Variants in ST6GAL1 observed in about 807,000 individuals in gnomAD.
ST6GAL1 encodes the protein ST6 beta-galactoside alpha-2,6-sialyltransferase 1.
In ST6GAL1, 20 loss-of-function variants were observed where a neutral mutation model predicts 38.0. That is an observed-to-expected ratio of 0.53 (90% CI 0.37 to 0.77). The LOEUF (loss-of-function observed/expected upper bound fraction) is 0.77, where lower values mean the gene tolerates loss of function less well. ST6GAL1 is among the 30% of genes least tolerant of loss of function. The pLI, the probability that ST6GAL1 is intolerant of heterozygous loss-of-function variation, is 0.00. For missense variants in ST6GAL1, 432 were observed against 496.4 expected, an observed-to-expected ratio of 0.87 and a Z score of 1.23; for synonymous variants, 196 against 188.2, an observed-to-expected ratio of 1.04 and a Z score of -0.34.
intron 5 of ST6GAL1, among the ~76,000 whole-genome samples, chr3:187,055,657 T>C (rs1451629209): frequency 6.6e-6 from 1 of 152,232 alleles, no homozygotes; most frequent in Admixed American, 6.5e-5. Context: ...TTGATTGCGC[T>C]GTGGTCTGAG....
intron 2 of ST6GAL1, among the ~76,000 whole-genome samples, chr3:186,984,334 A>C (rs1277458750): frequency 6.6e-6 from 1 of 152,156 alleles, no homozygotes; most frequent in Non-Finnish European, 1.5e-5. Context: ...CAATTCTGGC[A>C]TATTAAGTCA....
At chr3:187,020,601 C>G (rs1172449027) in intron 2 of ST6GAL1, among the ~76,000 whole-genome samples, 1 of 152,204 alleles carries the variant, frequency 6.6e-6, no homozygotes, top group East Asian at 1.9e-4. Context: ...ATCTGGCTGC[C>G]CCTGTGTAGG....
chr3:186,974,728 G>GC (rs915194174), intron 2 of ST6GAL1, among the ~76,000 whole-genome samples: 1 of 126,194 alleles, frequency 7.9e-6, no homozygotes, highest in Admixed American at 8.5e-5. Context: ...AGCCTGGTTG[G>GC]GGGGGGGGCG....
chr3:186,930,925 G>C (rs1172696167), intron 1 of ST6GAL1, 91 bp downstream of exon 1: 1 of 153,224 alleles, frequency 6.5e-6, no homozygotes, highest in Non-Finnish European at 1.5e-5. Context: ...GCGGAGGCGC[G>C]GGGCCCGCGG....
chr3:186,994,811 G>T (rs1238445418), intron 2 of ST6GAL1, among the ~76,000 whole-genome samples: 2 of 151,928 alleles, frequency 1.3e-5, no homozygotes, highest in Admixed American at 6.6e-5. Flanking sequence ...AGGCATGGTG[G>T]GCGCCTGTAA....
Position 186,934,928 on chromosome 3 carries a change from G to A in ST6GAL1, c.-325+4094G>A, listed in dbSNP as rs60529826. Among the ~76,000 whole-genome samples the A allele has an allele frequency of 1.2e-3, 177 of 151,936 alleles. 1 individual carries two copies. The highest frequency in any genetic ancestry group is 4.1e-3 in the African/African-American group (169 of 41,434). On this transcript the variant is annotated intron_variant, in intron 1 of 7. Coordinates refer to ENST00000169298, the MANE Select transcript of ST6GAL1 (RefSeq NM_173216.2). ...ACTACAGGTGCCCGCCACCACGCCC[G>A]GCTAATTTTTGTATGTTTAGTAAAG... is the stretch of plus-strand genomic sequence containing the variant.
Position 187,058,253 on chromosome 3 carries a change from G to C in ST6GAL1, c.705+6907G>C, listed in dbSNP as rs964129256. Among the ~76,000 whole-genome samples the C allele has an allele frequency of 7.2e-5, 11 of 152,122 alleles. 1 individual carries two copies. The highest frequency in any genetic ancestry group is 1.3e-4 in the Non-Finnish European group (9 of 68,028). On this transcript the variant is annotated intron_variant, in intron 5 of 7. Transcript: ENST00000169298. ...GTCCCCTGACCCCTTGCGCTTCCTG[G>C]GTGAGGTGATGCCCCACCCTGCTTT...
chr3:186,972,410 A>C (rs1715380790), intron 2 of ST6GAL1, among the ~76,000 whole-genome samples: 1 of 151,994 alleles, frequency 6.6e-6, no homozygotes, highest in Admixed American at 6.6e-5. Flanking sequence ...CACCACACCC[A>C]GCTAATTTTT....
intron 2 of ST6GAL1, among the ~76,000 whole-genome samples, chr3:187,034,879 A>G (rs1215618583): frequency 6.6e-6 from 1 of 152,232 alleles, no homozygotes; most frequent in African/African-American, 2.4e-5. Flanking sequence ...ACTTCTATTC[A>G]ACATAGTATT....
chr3:186,998,964 G>C (rs1045412615), intron 2 of ST6GAL1, among the ~76,000 whole-genome samples: 1 of 152,212 alleles, frequency 6.6e-6, no homozygotes, highest in Non-Finnish European at 1.5e-5. Flanking sequence ...AACTTGCCTG[G>C]GGGGCACGAA....
intron 2 of ST6GAL1, among the ~76,000 whole-genome samples, chr3:187,007,971 A>G (rs1288416517): frequency 8.2e-6 from 1 of 121,236 alleles, no homozygotes; most frequent in African/African-American, 3.0e-5. Context: ...ACAATGAAAT[A>G]TACATTATGA....
chr3:187,044,163 A>C (rs1718219521), intron 4 of ST6GAL1, among the ~76,000 whole-genome samples: 1 of 152,220 alleles, frequency 6.6e-6, no homozygotes, highest in Admixed American at 6.5e-5. Flanking sequence ...AACCCTTTGT[A>C]GTGAATCAAG....
chr3:187,055,532 C>T (rs147811411), intron 5 of ST6GAL1, among the ~76,000 whole-genome samples: 1,879 of 152,244 alleles, frequency 0.012, 41 homozygotes, highest in African/African-American at 0.043. Flanking sequence ...TTTCAAAGAA[C>T]ATCTTTATTT....
intron 6 of ST6GAL1, chr3:187,073,855 G>T: frequency 3.9e-6 from 1 of 255,974 alleles, no homozygotes; most frequent in East Asian, 7.9e-5. Flanking sequence ...CAGATGGTAC[G>T]TGGGGCTCTT....
chr3:186,983,072 CTT>C (rs1451597638), intron 2 of ST6GAL1, among the ~76,000 whole-genome samples: 4 of 152,102 alleles, frequency 2.6e-5, no homozygotes, highest in African/African-American at 9.7e-5. Context: ...TCTCAAAACT[CTT>C]TGTGGGCAGG....
chr3:186,961,891 C>T (rs1216669108), intron 1 of ST6GAL1, among the ~76,000 whole-genome samples: 3 of 152,134 alleles, frequency 2.0e-5, no homozygotes, highest in Non-Finnish European at 4.4e-5. Context: ...TACCTCCACC[C>T]CAGGAGCACT....
In ST6GAL1 at chr3:187,008,824, T is replaced by C. The variant is rs556252182; in HGVS notation, c.-182-29918T>C. Among the ~76,000 whole-genome samples, 285 of 152,352 alleles carry C rather than the reference T, an allele frequency of 1.9e-3. 1 individual carries two copies. The highest frequency in any genetic ancestry group is 3.1e-3 in the Non-Finnish European group (212 of 68,028). On this transcript the variant is annotated intron_variant, in intron 2 of 7. Coordinates refer to ENST00000169298, the MANE Select transcript of ST6GAL1 (RefSeq NM_173216.2). ...ATTTCCTTTAAGTCTTTTTTTTCTG[T>C]GAATATGCGTTTCTCTTTTTCTTTT...
Position 186,982,342 on chromosome 3 carries a change from C to T in ST6GAL1, c.-183+18416C>T, listed in dbSNP as rs374734963. Among the ~76,000 whole-genome samples the T allele has an allele frequency of 1.3e-4, 20 of 152,304 alleles. 1 individual carries two copies. In the East Asian group the frequency reaches 2.3e-3, roughly 18 times the overall value. On this transcript the variant is annotated intron_variant, in intron 2 of 7. Transcript: ENST00000169298. ...CCTTTTTCCATGTGGATAAGCATGA[C>T]CTTAGTCAAGTCATTTCTTAGTAAG...
intron 2 of ST6GAL1, among the ~76,000 whole-genome samples, chr3:187,017,022 A>G (rs752605022): frequency 2.6e-4 from 40 of 152,300 alleles, no homozygotes; most frequent in Non-Finnish European, 5.7e-4. Context: ...GTCCAGGAGG[A>G]CAGAGTTGAT....
Sources: allele counts gnomAD v4.1 joint callset (sites outside exome capture counted in the v4.1 genomes callset), GRCh38; gene constraint gnomAD v4.1.1; transcripts MANE v1.5; gene names NCBI Gene and HGNC (gene_info 2026-07-23, HGNC 2026-07-21).